TBC1D8B: variants seen among roughly 807,000 people sequenced by gnomAD.
TBC1D8B encodes RP11-321G1.1.
Under a neutral mutation model 82.9 loss-of-function variants are expected in TBC1D8B, and 75 were observed. The ratio of observed to expected loss-of-function variants is 0.90; its 90% confidence interval spans 0.75 to 1.10. The LOEUF is 1.10. Among genes scored for constraint, TBC1D8B ranks in the 50% least tolerant of loss-of-function variants. TBC1D8B has a pLI of 0.00. For synonymous variants in TBC1D8B, 276 were observed against 276.8 expected, an observed-to-expected ratio of 1.00 and a Z score of 0.03; for missense variants, 794 against 796.9, an observed-to-expected ratio of 1.00 and a Z score of 0.04.
chrX:106,849,974 CA>C (rs1158023019), intron 11 of TBC1D8B, 50 bp from the exon 12 acceptor site: 2 of 1,136,370 alleles, frequency 1.8e-6, no homozygotes, highest in African/African-American at 3.7e-5. Context: ...GGTATGGAAA[CA>C]AGTCCTTTTG....
At chrX:106,866,302 A>T (rs969506150) in intron 16 of TBC1D8B, among the ~76,000 whole-genome samples, 1 of 111,823 alleles carries the variant, frequency 8.9e-6, no homozygotes, top group Non-Finnish European at 1.9e-5. Flanking sequence ...ACTCAGATGC[A>T]TGGGTACTAC....
Position 106,818,703 on chromosome X carries a change from T to C in TBC1D8B, c.171T>C (p.Thr57=). The stretch of plus-strand genomic sequence containing the variant: ...CTCTTGATTCAGTCTTGGACTCTAC[T>C]GCTAAAGTAGCTCCATTTCGCATCC... ...VGTLDSVLDS[T]AKVAPFRILH... is the part of the protein sequence containing the mutation. The change falls in exon 2 of 21, where the codon ACT becomes ACC. Residue 57 remains threonine (T), a synonymous_variant. Transcript: ENST00000357242. The C allele has an allele frequency of 1.7e-6, 2 of 1,209,194 alleles. No individual in the cohort carries two copies. The highest frequency in any genetic ancestry group is 2.2e-6 in the Non-Finnish European group (2 of 893,895).
At chrX:106,852,070 G>A (rs1301740227) in intron 12 of TBC1D8B, among the ~76,000 whole-genome samples, 2 of 109,092 alleles carry the variant, frequency 1.8e-5, no homozygotes. Flanking sequence ...ATCCTCTCCA[G>A]TACCTGTTGT....
chrX:106,868,352 G>T, intron 17 of TBC1D8B, 41 bp from the exon 18 acceptor site: 2 of 916,988 alleles, frequency 2.2e-6, no homozygotes, highest in Non-Finnish European at 2.8e-6. Context: ...TCTGCCCCTG[G>T]TTGTTAATAA....
intron 1 of TBC1D8B, among the ~76,000 whole-genome samples, chrX:106,808,817 GT>G (rs1481734684): frequency 2.4e-4 from 27 of 111,376 alleles, no homozygotes; most frequent in African/African-American, 8.5e-4. Context: ...AACTCATGCT[GT>G]TTGTGAACAG....
chrX:106,872,273 T>C (rs1440925606), intron 20 of TBC1D8B, among the ~76,000 whole-genome samples: 1 of 97,676 alleles, frequency 1.0e-5, no homozygotes, highest in Non-Finnish European at 2.0e-5. Flanking sequence ...TGAGCTGAGA[T>C]TTCACCACTG....
At chrX:106,834,406 G>T (rs1050928313) in intron 7 of TBC1D8B, among the ~76,000 whole-genome samples, 11 of 111,202 alleles carry the variant, frequency 9.9e-5, no homozygotes, top group Non-Finnish European at 1.9e-4. Flanking sequence ...GACACGTGGG[G>T]ATTATTACAA....
At chrX:106,832,119 A>G (rs908109231) in intron 7 of TBC1D8B, among the ~76,000 whole-genome samples, 5 of 111,437 alleles carry the variant, frequency 4.5e-5, no homozygotes, top group Non-Finnish European at 9.4e-5. Context: ...TTGTACAAAC[A>G]GCAAGACTTT....
chrX:106,865,343 G>C (rs1030023507), intron 14 of TBC1D8B, among the ~76,000 whole-genome samples: 1 of 111,942 alleles, frequency 8.9e-6, no homozygotes, highest in African/African-American at 3.2e-5. Flanking sequence ...GTACATATTA[G>C]AGTAGAATTG....
At chrX:106,842,351 G>C (rs369324878) in intron 10 of TBC1D8B, among the ~76,000 whole-genome samples, 7 of 110,916 alleles carry the variant, frequency 6.3e-5, no homozygotes, top group African/African-American at 9.8e-5. Flanking sequence ...TGAGAGCAAA[G>C]TTAGAAACAT....
chrX:106,820,276 C>T (rs1362183364), intron 2 of TBC1D8B, among the ~76,000 whole-genome samples: 1 of 110,853 alleles, frequency 9.0e-6, no homozygotes, highest in Non-Finnish European at 1.9e-5. Context: ...ACTGATTCAG[C>T]GGGTCACATG....
chrX:106,826,275 A>T (rs202095261), intron 6 of TBC1D8B, 38 bp downstream of exon 6: 1 of 1,102,593 alleles, frequency 9.1e-7, no homozygotes, highest in African/African-American at 1.8e-5. Flanking sequence ...TTTTAGTTTG[A>T]AAATGTTATC....
intron 20 of TBC1D8B, among the ~76,000 whole-genome samples, chrX:106,872,221 G>A (rs762769346): frequency 9.4e-6 from 1 of 106,410 alleles, no homozygotes; most frequent in Non-Finnish European, 1.9e-5. Context: ...TTGCACTCCA[G>A]CCTGGGCGAG....
At chrX:106,862,776 G>GTTTTTTTTTTT (rs1181091591) in intron 14 of TBC1D8B, among the ~76,000 whole-genome samples, 1,388 of 35,861 alleles carry the variant, frequency 0.039, 10 homozygotes, top group Non-Finnish European at 0.044. Flanking sequence ...GTTTTTTTTT[G>GTTTTTTTTTTT]TTTTTTTTTT....
intron 12 of TBC1D8B, 59 bp downstream of exon 12, chrX:106,850,369 A>G (rs1602429769): frequency 2.8e-6 from 3 of 1,076,014 alleles, no homozygotes; most frequent in East Asian, 3.2e-5. Flanking sequence ...ATGTTGTTCA[A>G]TCCCCTATTT....
intron 14 of TBC1D8B, among the ~76,000 whole-genome samples, chrX:106,863,953 T>C (rs1310348298): frequency 2.7e-5 from 3 of 111,230 alleles, no homozygotes; most frequent in Admixed American, 1.9e-4. Context: ...CTCTGGCCGA[T>C]TTCAGGCAGA....
At chrX:106,827,568 C>A (rs964348808) in intron 7 of TBC1D8B, 1 of 322,061 alleles carries the variant, frequency 3.1e-6, no homozygotes, top group East Asian at 5.3e-5. Context: ...ATAATTTGAT[C>A]TTTCTTTTAC....
At chrX:106,845,086 A>C (rs1256301988) in intron 10 of TBC1D8B, among the ~76,000 whole-genome samples, 1 of 110,099 alleles carries the variant, frequency 9.1e-6, no homozygotes, top group Non-Finnish European at 1.9e-5. Flanking sequence ...TGGCTATAAT[A>C]ATTTGAGTCC....
In TBC1D8B at chrX:106,872,455, TTATATATA is replaced by T. The variant is rs61326496; in HGVS notation, c.2968-1089_2968-1082del. Among the ~76,000 whole-genome samples the T allele has an allele frequency of 2.8e-3, 205 of 73,133 alleles. 5 individuals are homozygous for T. Among genetic ancestry groups the T allele is most frequent in the African/African-American group, 6.9e-3 (114 of 16,502 alleles). The allele number at this position is 73,133 out of a possible 115,157, so 63.5% of individuals were successfully genotyped here. The stretch of plus-strand genomic sequence containing the variant: ...GTGAACTAGGAACCCAGAAAAATAT[TTATATATA>T]TATATATATATATATATATATATAT... On this transcript the variant is annotated intron_variant, in intron 20 of 20. Coordinates refer to ENST00000357242, the MANE Select transcript of TBC1D8B (RefSeq NM_017752.3).
Sources: gnomAD v4.1 joint callset for allele counts (sites outside exome capture counted in the v4.1 genomes callset) on GRCh38, gnomAD v4.1.1 for gene constraint, MANE v1.5 for transcripts, NCBI Gene and HGNC (gene_info 2026-07-23, HGNC 2026-07-21) for gene names.